Variants in OPCML observed in about 807,000 individuals in gnomAD.
OPCML encodes the protein opioid binding protein/cell adhesion molecule like.
Under a neutral mutation model 37.8 loss-of-function variants are expected in OPCML, and 13 were observed. The ratio of observed to expected loss-of-function variants is 0.34; its 90% CI spans 0.22 to 0.55. The LOEUF is 0.55. Ranked by LOEUF, OPCML falls within the 20% of genes least tolerant of loss-of-function variation. The probability of loss-of-function intolerance (pLI) is 0.91; values close to 1 mark genes in which losing one functional copy is unlikely to be tolerated. For synonymous variants in OPCML, 176 were observed against 168.8 expected, an observed-to-expected ratio of 1.04 and a Z score of -0.33; for missense variants, 341 against 435.6, an observed-to-expected ratio of 0.78 and a Z score of 1.93.
chr11:132,735,638 T>C (rs1348748193), intron 2 of OPCML, among the ~76,000 whole-genome samples: 1 of 151,990 alleles, frequency 6.6e-6, no homozygotes, highest in African/African-American at 2.4e-5. Flanking sequence ...CACCCACCAC[T>C]ACGCCCGACT....
At chr11:132,441,984 A>G (rs2096037355) in intron 4 of OPCML, among the ~76,000 whole-genome samples, 1 of 152,222 alleles carries the variant, frequency 6.6e-6, no homozygotes, top group African/African-American at 2.4e-5. Flanking sequence ...AGGAACAGAC[A>G]GAAAAACAAC....
At chr11:133,412,632 G>A (rs963982661) in intron 1 of OPCML, among the ~76,000 whole-genome samples, 3 of 151,834 alleles carry the variant, frequency 2.0e-5, no homozygotes, top group African/African-American at 7.2e-5. Flanking sequence ...ATGAAAAATA[G>A]TACACGTATG....
At chr11:133,042,760 A>G (rs943462553) in intron 1 of OPCML, among the ~76,000 whole-genome samples, 1 of 152,112 alleles carries the variant, frequency 6.6e-6, no homozygotes, top group Non-Finnish European at 1.5e-5. Flanking sequence ...TTAACGGCCA[A>G]AGTTAACACT....
intron 1 of OPCML, chr11:133,421,810 C>T (rs1945892504): frequency 1.0e-6 from 1 of 979,216 alleles, no homozygotes; most frequent in Non-Finnish European, 1.2e-6. Flanking sequence ...CAGCTGAGTC[C>T]TCAGGCACCA....
intron 1 of OPCML, among the ~76,000 whole-genome samples, chr11:133,217,110 CT>C (rs35150410): frequency 0.39 from 59,227 of 151,850 alleles, 12,051 homozygotes; most frequent in East Asian, 0.59. Flanking sequence ...GAACTCAGCC[CT>C]TTTCCTTCAG....
chr11:133,397,349 C>G lies in OPCML; in HGVS notation c.61+134915G>C, dbSNP rs891754904. Among the ~76,000 whole-genome samples the G allele has an allele frequency of 3.3e-5, 5 of 152,194 alleles. No homozygotes were observed. In the East Asian group the frequency reaches 9.6e-4, roughly 29 times the overall value. On this transcript the variant is annotated intron_variant, in intron 1 of 7. Transcript: ENST00000524381. ...TCTCAAGCACCAATAAGATGCCACT[C>G]TATACTTCAATCATCCGAGAAGGAT...
At position 132,943,778 on chromosome 11, in the gene OPCML, G is replaced by A. The variant is rs541916092; in HGVS notation, c.62-768C>T. 1.3e-5 allele frequency: 2 copies of A among 150,560 alleles called. No homozygotes were observed. Among genetic ancestry groups the A allele is most frequent in the Admixed American group, 6.6e-5 (1 of 15,120 alleles). 9.3% of individuals were successfully genotyped at this position (150,560 alleles called of 1,614,324 possible). ...GAGCGCCGCCCGGCGCAGGCTCCGG[G>A]CGCACGGGGAGCTGGGCGGACGGCG... On this transcript the variant is annotated intron_variant, in intron 1 of 7. Coordinates refer to ENST00000524381, the MANE Select transcript of OPCML (RefSeq NM_001012393.5). This position sits in a 1 kb window ranked among gnomAD's most constrained non-coding sequence, Gnocchi z 4.3.
At chr11:132,846,800 C>A (rs775621504) in intron 2 of OPCML, among the ~76,000 whole-genome samples, 4 of 152,162 alleles carry the variant, frequency 2.6e-5, no homozygotes, top group Non-Finnish European at 5.9e-5. Context: ...ACAGGGAACT[C>A]CCTACCTTCC....
intron 1 of OPCML, among the ~76,000 whole-genome samples, chr11:133,331,694 A>G (rs1315960288): frequency 6.6e-6 from 1 of 152,072 alleles, no homozygotes. Flanking sequence ...TCAAAATTCT[A>G]CTTTATTTCT....
chr11:132,863,496 G>T (rs562124625), intron 2 of OPCML, among the ~76,000 whole-genome samples: 40 of 152,218 alleles, frequency 2.6e-4, no homozygotes, highest in African/African-American at 8.4e-4. Flanking sequence ...AAAGTTTCTC[G>T]CTGGCTTTCT....
intron 3 of OPCML, among the ~76,000 whole-genome samples, chr11:132,597,760 A>G (rs1422848479): frequency 6.6e-6 from 1 of 152,228 alleles, no homozygotes; most frequent in Admixed American, 6.5e-5. Context: ...TTTTAAATTT[A>G]TATGTATAGG....
chr11:133,059,393 G>T (rs1008795962), intron 1 of OPCML, among the ~76,000 whole-genome samples: 7 of 152,152 alleles, frequency 4.6e-5, no homozygotes, highest in Admixed American at 3.3e-4. Context: ...GACATTATTT[G>T]CCTTCTTCAC....
intron 1 of OPCML, among the ~76,000 whole-genome samples, chr11:133,504,569 T>C (rs191996008): frequency 6.6e-6 from 1 of 152,312 alleles, no homozygotes; most frequent in Admixed American, 6.5e-5. Flanking sequence ...ATCTGATTAA[T>C]TGTGCCAACC....
intron 2 of OPCML, among the ~76,000 whole-genome samples, chr11:132,863,853 G>C (rs1287945339): frequency 6.6e-6 from 1 of 152,098 alleles, no homozygotes; most frequent in Non-Finnish European, 1.5e-5. Context: ...ATTTCTACAT[G>C]GTTGTGTATA....
At chr11:132,745,721 A>G (rs1419380808) in intron 2 of OPCML, among the ~76,000 whole-genome samples, 1 of 152,044 alleles carries the variant, frequency 6.6e-6, no homozygotes, top group African/African-American at 2.4e-5. Flanking sequence ...TTTCACGTTG[A>G]ATGTGTGAGC....
chr11:132,645,579 C>T (rs1390819642), intron 3 of OPCML, among the ~76,000 whole-genome samples: 1 of 152,136 alleles, frequency 6.6e-6, no homozygotes, highest in Non-Finnish European at 1.5e-5. Context: ...AAGGAAATTA[C>T]AGTCTAGGAG....
In OPCML at chr11:133,069,512, G is replaced by A. The variant is rs114721240; in HGVS notation, c.62-126502C>T. Among the ~76,000 whole-genome samples, 204 of 152,228 alleles carry A rather than the reference G, an allele frequency of 1.3e-3. No homozygotes were observed. In the Middle Eastern group the frequency reaches 0.02, roughly 15 times the overall value. ...GGCGAGTGGCAATTTGTGTGTGTTC[G>A]AACCTGAATGAAGACACCCCTGAAT... On this transcript the variant is annotated intron_variant, in intron 1 of 7. Transcript: ENST00000524381.
Position 133,417,838 on chromosome 11 carries a change from G to A in OPCML, c.61+114426C>T, listed in dbSNP as rs182356654. Among the ~76,000 whole-genome samples the A allele has an allele frequency of 2.6e-5, 4 of 152,162 alleles. No homozygotes were observed. In the East Asian group the frequency reaches 7.7e-4, roughly 29 times the overall value. On this transcript the variant is annotated intron_variant, in intron 1 of 7. Transcript: ENST00000524381. The stretch of plus-strand genomic sequence containing the variant: ...ATATGTTATTTAATTTAAGAAAAAT[G>A]TGAAAAAGTGGTAATTGAGGTCCAG...
rs1164093883 is a variant in OPCML at position 133,375,602 on chromosome 11, G to A, written c.61+156662C>T. Among the ~76,000 whole-genome samples, 7 of 152,222 alleles carry A rather than the reference G, an allele frequency of 4.6e-5. No homozygotes were observed. In the South Asian group the frequency reaches 6.2e-4, roughly 14 times the overall value. On this transcript the variant is annotated intron_variant, in intron 1 of 7. Transcript: ENST00000524381. ...ATCTCGTTGTATAGCCTGGCTAGGG[G>A]CACTGAACCTGGGATCTCCTGAGTG...
Sources: allele counts gnomAD v4.1 joint callset (sites outside exome capture counted in the v4.1 genomes callset), GRCh38; gene constraint gnomAD v4.1.1; non-coding constraint Gnocchi (gnomAD v3.1); transcripts MANE v1.5; gene names NCBI Gene and HGNC (gene_info 2026-07-23, HGNC 2026-07-21).